NAALADL2: variants seen among roughly 807,000 people sequenced by gnomAD.
NAALADL2 encodes inactive N-acetylated-alpha-linked acidic dipeptidase-like protein 2.
In NAALADL2, 76 loss-of-function variants were observed where a neutral mutation model predicts 87.2. The ratio of observed to expected loss-of-function variants is 0.87; its 90% CI spans 0.72 to 1.05. NAALADL2 has a LOEUF of 1.05. Among genes scored for constraint, NAALADL2 ranks in the 50% least tolerant of loss-of-function variants. NAALADL2 has a pLI of 0.00. For synonymous variants in NAALADL2, 354 were observed against 331.0 expected, an observed-to-expected ratio of 1.07 and a Z score of -0.75; for missense variants, 1,089 against 945.8, an observed-to-expected ratio of 1.15 and a Z score of -1.99.
intron 2 of NAALADL2, among the ~76,000 whole-genome samples, chr3:175,174,330 G>A (rs1735351896): frequency 1.3e-5 from 2 of 151,984 alleles, no homozygotes; most frequent in Admixed American, 1.3e-4. Flanking sequence ...CAAAATTGTT[G>A]TTTCAAACAC....
intron 4 of NAALADL2, among the ~76,000 whole-genome samples, chr3:175,282,149 G>A (rs1255433851): frequency 6.6e-6 from 1 of 151,852 alleles, no homozygotes; most frequent in Admixed American, 6.6e-5. Flanking sequence ...TTTTACAAAT[G>A]AATAAATAAA....
intron 3 of NAALADL2, among the ~76,000 whole-genome samples, chr3:174,822,881 T>G (rs1244802561): frequency 6.6e-6 from 1 of 152,182 alleles, no homozygotes; most frequent in Non-Finnish European, 1.5e-5. Context: ...TTTTTGTTTC[T>G]CCTTGTCAAA....
chr3:175,227,564 C>T (rs1202674185), intron 2 of NAALADL2, among the ~76,000 whole-genome samples: 1 of 151,932 alleles, frequency 6.6e-6, no homozygotes, highest in Non-Finnish European at 1.5e-5. Context: ...GCAGTTAATT[C>T]TTTAATAGAA....
chr3:175,348,937 A>C (rs2148867305), intron 5 of NAALADL2, among the ~76,000 whole-genome samples: 1 of 152,314 alleles, frequency 6.6e-6, no homozygotes, highest in Admixed American at 6.5e-5. Context: ...AGAAGCAAAA[A>C]GAAGAAAATA....
At chr3:174,971,604 A>G (rs570142766) in intron 1 of NAALADL2, among the ~76,000 whole-genome samples, 3 of 151,974 alleles carry the variant, frequency 2.0e-5, no homozygotes, top group South Asian at 4.2e-4. Context: ...CACAAAGAGC[A>G]GGGGCTTCTT....
At chr3:174,658,481 T>C (rs533562620) in intron 2 of NAALADL2, among the ~76,000 whole-genome samples, 7 of 152,224 alleles carry the variant, frequency 4.6e-5, no homozygotes, top group Admixed American at 4.6e-4. Flanking sequence ...TATTATTGAG[T>C]TTTTAGAAAT....
At chr3:175,685,135 T>C in intron 11 of NAALADL2, among the ~76,000 whole-genome samples, 1 of 152,154 alleles carries the variant, frequency 6.6e-6, no homozygotes, top group African/African-American at 2.4e-5. Context: ...GTATTAGCTC[T>C]TTGGATCCCT....
At chr3:174,632,120 G>C (rs149900129) in intron 2 of NAALADL2, 1 of 152,232 alleles carries the variant, frequency 6.6e-6, no homozygotes, top group Non-Finnish European at 1.5e-5. Context: ...AAGCAGTGTA[G>C]TGAATAGAGG....
At chr3:175,607,582 T>C (rs1433105911) in intron 10 of NAALADL2, among the ~76,000 whole-genome samples, 1 of 152,104 alleles carries the variant, frequency 6.6e-6, no homozygotes, top group East Asian at 1.9e-4. Context: ...CTAGTTCCTG[T>C]TTTTTCAAGG....
At chr3:175,762,192 A>ATTTTT (rs55668165) in intron 13 of NAALADL2, among the ~76,000 whole-genome samples, 4,625 of 114,062 alleles carry the variant, frequency 0.041, 487 homozygotes, top group African/African-American at 0.15. Context: ...CTGTGTTTCG[A>ATTTTT]TTTTTTTTTT....
rs138039749 is a variant in NAALADL2 at position 175,195,624 on chromosome 3, G to C, written c.546-38307G>C. On this transcript the variant is annotated intron_variant, in intron 2 of 13. Coordinates refer to ENST00000454872, the MANE Select transcript of NAALADL2 (RefSeq NM_207015.3). ...AGGGTCTGAAGATGATGAATGCAAA[G>C]AGGTAAAAAAGAAGCAGATCGTATA... Among the ~76,000 whole-genome samples the C allele has an allele frequency of 1.5e-3, 230 of 151,946 alleles. 2 individuals are homozygous for C. Among genetic ancestry groups the C allele is most frequent in the African/African-American group, 5.4e-3 (224 of 41,528 alleles).
At chr3:175,798,061 TATGTAAGCAGG>T (rs1753722579) in intron 13 of NAALADL2, among the ~76,000 whole-genome samples, 1 of 152,068 alleles carries the variant, frequency 6.6e-6, no homozygotes, top group Admixed American at 6.5e-5. Context: ...AAATTTATTT[TATGTAAGCAGG>T]AAGCTAAGTG....
At chr3:174,846,257 A>C (rs746458791) in intron 3 of NAALADL2, among the ~76,000 whole-genome samples, 13 of 152,170 alleles carry the variant, frequency 8.5e-5, no homozygotes, top group Non-Finnish European at 1.3e-4. Context: ...ATGTTGGTAT[A>C]CTAGGTTTCT....
At chr3:175,694,427 T>C (rs1424312124) in intron 11 of NAALADL2, among the ~76,000 whole-genome samples, 2 of 152,164 alleles carry the variant, frequency 1.3e-5, no homozygotes, top group African/African-American at 2.4e-5. Flanking sequence ...ATAAACAACA[T>C]GTTCTAGAGA....
chr3:174,670,160 G>C (rs894952178), intron 2 of NAALADL2, among the ~76,000 whole-genome samples: 1 of 151,636 alleles, frequency 6.6e-6, no homozygotes, highest in African/African-American at 2.4e-5. Flanking sequence ...AGTTTTGTAC[G>C]TATAAGATCA....
chr3:175,736,781 A>G (rs1744559157), intron 11 of NAALADL2, among the ~76,000 whole-genome samples: 1 of 152,230 alleles, frequency 6.6e-6, no homozygotes, highest in African/African-American at 2.4e-5. Flanking sequence ...TTCTTTACTC[A>G]GTGACAGGAT....
At chr3:174,927,360 A>G (rs1438466279) in intron 1 of NAALADL2, among the ~76,000 whole-genome samples, 1 of 152,212 alleles carries the variant, frequency 6.6e-6, no homozygotes, top group South Asian at 2.1e-4. Context: ...AAGCAGACCT[A>G]ATAGACATCT....
chr3:175,336,277 A>T (rs888998157), intron 5 of NAALADL2, among the ~76,000 whole-genome samples: 1 of 152,146 alleles, frequency 6.6e-6, no homozygotes, highest in Non-Finnish European at 1.5e-5. Flanking sequence ...TAGACTTATT[A>T]TTATTGTAAT....
chr3:175,272,856 A>T (rs79677365), intron 4 of NAALADL2, among the ~76,000 whole-genome samples: 3,044 of 152,192 alleles, frequency 0.02, 99 homozygotes, highest in African/African-American at 0.07. Context: ...TTTTACTTTT[A>T]AGTATAACCT....
Sources: allele counts gnomAD v4.1 joint callset (sites outside exome capture counted in the v4.1 genomes callset), GRCh38; gene constraint gnomAD v4.1.1; transcripts MANE v1.5; gene names NCBI Gene and HGNC (gene_info 2026-07-23, HGNC 2026-07-21).